The following NPHS1 variants were observed in gnomAD, a reference collection of about 807,000 sequenced individuals.
NPHS1 encodes the protein nephrin.
Under a neutral mutation model 139.7 loss-of-function variants are expected in NPHS1, and 107 were observed. That is an observed-to-expected ratio of 0.77 (90% confidence interval 0.66 to 0.90). NPHS1 has a LOEUF of 0.90. Among genes scored for constraint, NPHS1 ranks in the 40% least tolerant of loss-of-function variants. The pLI is 0.00. For synonymous variants in NPHS1, 707 were observed against 706.6 expected, an observed-to-expected ratio of 1.00 and a Z score of -0.01; for missense variants, 1,580 against 1,654.2, an observed-to-expected ratio of 0.96 and a Z score of 0.78.
At chr19:35,841,971 C>T in intron 19 of NPHS1, 105 bp from the exon 20 acceptor site, 1 of 1,410,914 alleles carries the variant, frequency 7.1e-7, no homozygotes, top group Non-Finnish European at 9.8e-7. Flanking sequence ...CCTATCTATC[C>T]ATTCATCCAT....
At chr19:35,842,576 G>T (rs1191606192) in intron 17 of NPHS1, 26 bp from the exon 18 acceptor site, 2 of 1,612,780 alleles carry the variant, frequency 1.2e-6, no homozygotes, top group Non-Finnish European at 1.7e-6. Context: ...TCCAGAATTG[G>T]CCTCCCAGTC....
chr19:35,827,883 C>T (rs749090311), intron 28 of NPHS1, among the ~76,000 whole-genome samples: 3 of 152,076 alleles, frequency 2.0e-5, no homozygotes, highest in Admixed American at 6.6e-5. Context: ...TGCTACTGCA[C>T]TCCAGCCTGG....
intron 23 of NPHS1, among the ~76,000 whole-genome samples, chr19:35,834,369 C>T (rs1474748218): frequency 6.6e-6 from 1 of 152,184 alleles, no homozygotes; most frequent in Non-Finnish European, 1.5e-5. Context: ...GAGCTGCCAG[C>T]TGACTGCAGA....
rs757417823 is a variant in NPHS1, at chr19:35,849,606, G to A, written c.656C>T (p.Ala219Val). The change falls in exon 6 of 29, where the codon GCG becomes GTG. Residue 219 changes from alanine (A) to valine (V), a missense_variant. Coordinates refer to ENST00000378910, the MANE Select transcript of NPHS1 (RefSeq NM_004646.4). ...GGGGGCCTCCAGTGCTGGGCTAGAC[G>A]CCTCACAGACCAGCAACTGCCTATT... ...SDNRQLLVCE[A>V]SSPALEAPIK... The A allele has an allele frequency of 6.8e-6, 11 of 1,613,936 alleles. No individual in the cohort carries two copies. The highest frequency in any genetic ancestry group is 1.6e-4 in the Middle Eastern group (1 of 6,084).
Position 35,851,776 on chromosome 19 carries a change from T to G in NPHS1, c.58+4A>C. 1 of 1,553,618 alleles carries G rather than the reference T, an allele frequency of 6.4e-7. No homozygotes were observed. The highest frequency in any genetic ancestry group is 8.7e-7 in the Non-Finnish European group (1 of 1,148,128). ...GCTGGGTACAAGGCTGGGATCCCAC[T>G]CACCTTCAGTCAGCAGCCCCAGGAG... On this transcript the variant is annotated splice_donor_region_variant and intron_variant, in intron 1 of 28. Coordinates refer to ENST00000378910, the MANE Select transcript of NPHS1 (RefSeq NM_004646.4).
chr19:35,849,915 A>T (rs1286262737), intron 5 of NPHS1, among the ~76,000 whole-genome samples: 2 of 151,826 alleles, frequency 1.3e-5, no homozygotes, highest in African/African-American at 4.8e-5. Flanking sequence ...TTGTTTGTTT[A>T]TTTGTTTGTT....
intron 22 of NPHS1, among the ~76,000 whole-genome samples, chr19:35,837,971 T>C (rs1415391819): frequency 7.3e-6 from 1 of 136,470 alleles, no homozygotes; most frequent in Non-Finnish European, 1.5e-5. Context: ...CGAAAACTAG[T>C]CCAGTCGTGG....
intron 23 of NPHS1, among the ~76,000 whole-genome samples, chr19:35,832,592 T>C (rs964835361): frequency 1.1e-4 from 17 of 151,720 alleles, no homozygotes; most frequent in Non-Finnish European, 2.2e-4. Flanking sequence ...TTTTGTTTTT[T>C]AATTAAGACG....
Position 35,826,368 on chromosome 19 carries a change from ACTCAGCCCC to A in NPHS1, c.*137_*145del. ...TGGTACCAGCTGAACCATCTCTGTC[ACTCAGCCCC>A]CTCCATGTCCTCTCCTGACACCAAG... On this transcript the variant is annotated 3_prime_UTR_variant, in exon 29 of 29. Transcript: ENST00000378910. 1.1e-6 allele frequency: 1 copy of A among 903,330 alleles called. No individual in the cohort carries two copies. The highest frequency in any genetic ancestry group is 1.8e-6 in the Non-Finnish European group (1 of 565,328). The allele number at this position is 903,330 out of a possible 1,614,324, so 56.0% of individuals were successfully genotyped here. A position where few individuals can be genotyped will look rare whatever the true frequency, so the allele number is the denominator to read the frequency against.
Position 35,849,011 on chromosome 19 carries a change from C to T in NPHS1, c.977G>A (p.Gly326Glu). ...CAGTGTGATGCCGTGCTCCTGGGTC[C>T]CTGCAGACACGCTGTTGTGGGCCTC... ...SCEAHNSVSA[G>E]TQEHGITLQV... is the part of the protein sequence containing the mutation. The change falls in exon 8 of 29, where the codon GGG (glycine) becomes GAG (glutamate). Residue 326 changes from glycine (G) to glutamate (E), a missense_variant. Coordinates refer to ENST00000378910, the MANE Select transcript of NPHS1 (RefSeq NM_004646.4). 3 of 1,612,272 alleles carry T rather than the reference C, an allele frequency of 1.9e-6. No individual in the cohort carries two copies. The highest frequency in any genetic ancestry group is 2.5e-6 in the Non-Finnish European group (3 of 1,180,028).
rs574314214 is a variant in NPHS1 at position 35,845,097 on chromosome 19, G to A, written c.1930+271C>T. Among the ~76,000 whole-genome samples, 3 of 152,230 alleles carry A rather than the reference G, an allele frequency of 2.0e-5. No individual in the cohort carries two copies. The highest frequency in any genetic ancestry group is 4.4e-5 in the Non-Finnish European group (3 of 68,020). On this transcript the variant is annotated intron_variant, in intron 14 of 28. Coordinates refer to ENST00000378910, the MANE Select transcript of NPHS1 (RefSeq NM_004646.4). The surrounding 1 kb of genome is among the most constrained non-coding windows in gnomAD (Gnocchi z 5.5). ...AGCCTGGGCAACATAGTGAGACCCC[G>A]TTGCTACAAAAAGTAAAAATAAACT... is the stretch of plus-strand genomic sequence containing the variant.
chr19:35,825,880 C>T lies in NPHS1; in HGVS notation c.*634G>A, dbSNP rs1043177001. The stretch of plus-strand genomic sequence containing the variant: ...AGAGTTTTTCATATGTCTTTCCCCA[C>T]TTCTGAAAACTTTACTTCATGAAGC... On this transcript the variant is annotated 3_prime_UTR_variant, in exon 29 of 29. Coordinates refer to ENST00000378910, the MANE Select transcript of NPHS1 (RefSeq NM_004646.4). 1 of 152,278 alleles carries T rather than the reference C, an allele frequency of 6.6e-6. No homozygotes were observed. Among genetic ancestry groups the T allele is most frequent in the African/African-American group, 2.4e-5 (1 of 41,450 alleles). The allele number at this position is 152,278 out of a possible 1,614,324, so 9.4% of individuals were successfully genotyped here.
chr19:35,839,709 C>T, intron 20 of NPHS1, 102 bp from the exon 21 acceptor site: 2 of 914,168 alleles, frequency 2.2e-6, no homozygotes, highest in Non-Finnish European at 3.5e-6. Context: ...ACAATCGCTT[C>T]TCATTGTTCA....
In NPHS1 at chr19:35,851,780, CT is replaced by C; in HGVS notation, c.57del (p.Gly20AlafsTer22). The C allele has an allele frequency of 6.4e-7, 1 of 1,553,726 alleles. No individual in the cohort carries two copies. The highest frequency in any genetic ancestry group is 1.7e-4 in the Middle Eastern group (1 of 5,968). On this transcript the variant is annotated frameshift_variant and splice_region_variant, in exon 1 of 29. Coordinates refer to ENST00000378910, the MANE Select transcript of NPHS1 (RefSeq NM_004646.4). LOFTEE classifies it high-confidence loss of function. The stretch of plus-strand genomic sequence containing the variant: ...GGTACAAGGCTGGGATCCCACTCAC[CT>C]TCAGTCAGCAGCCCCAGGAGCAGGA... ...ASLLLLGLLT[E>X]GLAQLAIPAS...
Position 35,844,203 on chromosome 19 carries a change from C to A in NPHS1, c.2112G>T (p.Leu704=), listed in dbSNP as rs1382271066. 6.2e-7 allele frequency: 1 copy of A among 1,612,516 alleles called. No homozygotes were observed. The highest frequency in any genetic ancestry group is 1.7e-5 in the Admixed American group (1 of 60,026). ...CCGCGCGGGTCACATTCCACAGATG[C>A]AGAGCCCCGCTGGACAGGATGCGAT... The part of the protein sequence containing the change: ...PRHRILSSGA[L]HLWNVTRADD... Residue 704 remains leucine (L), a synonymous_variant, in exon 16 of 29, where the codon CTG becomes CTT. Transcript: ENST00000378910.
At chr19:35,827,152 T>A (rs1599833343) in intron 28 of NPHS1, among the ~76,000 whole-genome samples, 1 of 147,158 alleles carries the variant, frequency 6.8e-6, no homozygotes, top group East Asian at 2.0e-4. Context: ...ACTTTTGAAT[T>A]TTTTTTTTTT....
chr19:35,840,750 G>A (rs111425183), intron 20 of NPHS1, among the ~76,000 whole-genome samples: 3,449 of 148,052 alleles, frequency 0.023, 140 homozygotes, highest in African/African-American at 0.082. Context: ...GTGCGGTGGC[G>A]CGAACTCAGC....
At position 35,834,197 on chromosome 19, in the gene NPHS1, A is replaced by G. The variant is rs557449983; in HGVS notation, c.3166+1508T>C. Among the ~76,000 whole-genome samples the G allele has an allele frequency of 1.9e-4, 29 of 152,250 alleles. 1 individual carries two copies. In the South Asian group the frequency reaches 5.8e-3, roughly 30 times the overall value. On this transcript the variant is annotated intron_variant, in intron 23 of 28. Transcript: ENST00000378910. ...CTTTGGCCAATGAGACACAACTATG[A>G]CGGAATCAGCTAGTAAATTGCTGCT...
Position 35,839,443 on chromosome 19 carries a change from T to C in NPHS1, c.2928-25A>G, listed in dbSNP as rs200962757. On this transcript the variant is annotated intron_variant, in intron 21 of 28. Transcript: ENST00000378910. The stretch of plus-strand genomic sequence containing the variant: ...CCTGCAGGACAGGGGGATAGTAAAT[T>C]CAGGGAAGTGCCCTAGCCCATTCCC... The C allele has an allele frequency of 2.7e-5, 44 of 1,613,818 alleles. No homozygotes were observed. In the East Asian group the frequency reaches 9.8e-4, roughly 36 times the overall value.
Sources: allele counts gnomAD v4.1 joint callset (sites outside exome capture counted in the v4.1 genomes callset), GRCh38; gene constraint gnomAD v4.1.1; non-coding constraint Gnocchi (gnomAD v3.1); transcripts MANE v1.5; gene names NCBI Gene and HGNC (gene_info 2026-07-23, HGNC 2026-07-21).